Variants in DENND2B observed in about 807,000 individuals in gnomAD.
DENND2B encodes DENN domain containing 2B.
A neutral mutation model predicts 116.0 loss-of-function variants in DENND2B; 32 were observed. The ratio of observed to expected loss-of-function variants is 0.28; its 90% CI spans 0.21 to 0.37. DENND2B has a LOEUF of 0.37. DENND2B is among the 10% of genes least tolerant of loss of function. The pLI is 1.00. For missense variants in DENND2B, 1,276 were observed against 1,477.7 expected, an observed-to-expected ratio of 0.86 and a Z score of 2.24; for synonymous variants, 588 against 583.9, an observed-to-expected ratio of 1.01 and a Z score of -0.10.
intron 13 of DENND2B, chr11:8,703,056 A>G (rs1366587938): frequency 7.0e-6 from 2 of 284,664 alleles, no homozygotes. Context: ...CCACACAGCC[A>G]CATCTCTAGG....
At chr11:8,780,360 A>C (rs1332841241) in intron 1 of DENND2B, among the ~76,000 whole-genome samples, 1 of 152,180 alleles carries the variant, frequency 6.6e-6, no homozygotes, top group Non-Finnish European at 1.5e-5. Flanking sequence ...GCCATTAGAG[A>C]GATACAATGT....
chr11:8,712,612 G>T lies in DENND2B; in HGVS notation c.2111C>A (p.Ser704Tyr). The T allele has an allele frequency of 1.9e-6, 3 of 1,563,932 alleles. No individual in the cohort carries two copies. The highest frequency in any genetic ancestry group is 2.6e-6 in the Non-Finnish European group (3 of 1,153,500). ...GTTTCGCGATGGCTTCTTCTTGAGGGACACCACCACAAAGTACTCAAAAAG... is the reference window on the plus strand; with the variant it reads ...GTTTCGCGATGGCTTCTTCTTGAGGTACACCACCACAAAGTACTCAAAAAG... ...RELFEYFVVV[S>Y]LKKKPSRNTY... The change falls in exon 9 of 20, where the codon TCC becomes TAC. Residue 704 changes from serine (S) to tyrosine (Y), a missense_variant. Physicochemically the swap from Ser to Tyr is moderately radical, Grantham distance 144 (BLOSUM62 -2). Transcript: ENST00000313726. This position sits in a 1 kb window ranked among gnomAD's most constrained non-coding sequence, Gnocchi z 4.4.
chr11:8,843,662 C>T (rs182454842), intron 3 of DENND2B, among the ~76,000 whole-genome samples: 8 of 152,292 alleles, frequency 5.3e-5, no homozygotes, highest in East Asian at 1.9e-4. Context: ...TCCTCTCATA[C>T]GGAATACACA....
chr11:8,797,855 C>A (rs980247263), intron 1 of DENND2B, among the ~76,000 whole-genome samples: 16 of 152,164 alleles, frequency 1.1e-4, no homozygotes, highest in African/African-American at 3.9e-4. Context: ...TCCACCCCGA[C>A]ACCCCCTTGC....
chr11:8,867,824 C>G (rs1017099166), intron 2 of DENND2B, among the ~76,000 whole-genome samples: 2 of 152,142 alleles, frequency 1.3e-5, no homozygotes. Context: ...CTCAAGCAAT[C>G]TGCCTGCCTC....
rs768821454 is a variant in DENND2B at position 8,696,623 on chromosome 11, C to T, written c.3096G>A (p.Arg1032=). The change falls in exon 18 of 20, where the codon CGG becomes CGA. Residue 1032 remains arginine, a synonymous_variant. Coordinates refer to ENST00000313726, the MANE Select transcript of DENND2B (RefSeq NM_213618.2). ...AGTGCCCAACGGTCTCCACAAAGAA[C>T]CGGATAAACACCTCCGACACCAGCC... ...LNGLVSEVFI[R]FFVETVGHYS... 5.6e-6 allele frequency: 9 copies of T among 1,614,176 alleles called. No homozygotes were observed. In the Admixed American group the frequency reaches 1.5e-4, roughly 27 times the overall value.
At chr11:8,894,293 C>A (rs917685203) in intron 1 of DENND2B, among the ~76,000 whole-genome samples, 1 of 152,158 alleles carries the variant, frequency 6.6e-6, no homozygotes. Flanking sequence ...ACCATAAAAA[C>A]CCTAGAAGAA....
At chr11:8,908,585 C>A (rs1369626562) in intron 1 of DENND2B, among the ~76,000 whole-genome samples, 1 of 152,172 alleles carries the variant, frequency 6.6e-6, no homozygotes, top group Non-Finnish European at 1.5e-5. Flanking sequence ...CCACTCCAAC[C>A]ACACTTATTG....
chr11:8,893,103 C>A (rs2064054786), intron 1 of DENND2B, among the ~76,000 whole-genome samples: 1 of 152,180 alleles, frequency 6.6e-6, no homozygotes, highest in Admixed American at 6.5e-5. Flanking sequence ...ATACGCAAAT[C>A]AATAAACATA....
At chr11:8,826,177 C>G (rs1269818618) in intron 4 of DENND2B, among the ~76,000 whole-genome samples, 1 of 152,154 alleles carries the variant, frequency 6.6e-6, no homozygotes, top group Non-Finnish European at 1.5e-5. Flanking sequence ...GAAGAGACAG[C>G]TGGGCCCTGC....
chr11:8,864,796 C>A (rs1233301978), intron 2 of DENND2B, among the ~76,000 whole-genome samples: 2 of 152,178 alleles, frequency 1.3e-5, no homozygotes, highest in East Asian at 3.8e-4. Flanking sequence ...TCTCAGGACA[C>A]TGACTCTGAT....
chr11:8,840,686 C>A (rs550147684), intron 3 of DENND2B, among the ~76,000 whole-genome samples: 1 of 152,306 alleles, frequency 6.6e-6, no homozygotes, highest in African/African-American at 2.4e-5. Context: ...AGACTCCTAC[C>A]CGTTCCATAT....
intron 3 of DENND2B, among the ~76,000 whole-genome samples, chr11:8,852,605 C>G (rs112864124): frequency 0.031 from 4,715 of 152,318 alleles, 239 homozygotes; most frequent in African/African-American, 0.11. Flanking sequence ...TGCTCCACAT[C>G]TTGATCGGAG....
chr11:8,736,175 G>A (rs1032457555), intron 2 of DENND2B, among the ~76,000 whole-genome samples: 2 of 152,116 alleles, frequency 1.3e-5, no homozygotes, highest in Admixed American at 6.6e-5. Flanking sequence ...CCACCAGGCC[G>A]GAGATACATT....
intron 1 of DENND2B, among the ~76,000 whole-genome samples, chr11:8,762,690 A>C (rs535409859): frequency 6.6e-6 from 1 of 152,214 alleles, no homozygotes; most frequent in East Asian, 1.9e-4. Flanking sequence ...GAGAAATCTC[A>C]TCTCTACTAA....
chr11:8,789,114 G>A (rs1160038763), intron 1 of DENND2B, among the ~76,000 whole-genome samples: 1 of 152,198 alleles, frequency 6.6e-6, no homozygotes, highest in East Asian at 1.9e-4. Flanking sequence ...GATACATTCT[G>A]AAGCATTTAT....
At chr11:8,812,339 G>A (rs371902731), upstream of DENND2B, among the ~76,000 whole-genome samples, 8 of 152,076 alleles carry the variant, frequency 5.3e-5, no homozygotes, top group Non-Finnish European at 7.4e-5. Flanking sequence ...GATGTAAAAC[G>A]TCCTGATGCA....
chr11:8,903,428 A>T (rs980887483), intron 1 of DENND2B, among the ~76,000 whole-genome samples: 1 of 151,668 alleles, frequency 6.6e-6, no homozygotes, highest in Non-Finnish European at 1.5e-5. Context: ...AGAAAAAAAA[A>T]GGATATTACA....
In DENND2B at chr11:8,712,228, T is replaced by C. The variant is rs1195177339; in HGVS notation, c.2172+323A>G. 3.3e-5 allele frequency among the ~76,000 whole-genome samples: 5 copies of C among 152,196 alleles called. No individual in the cohort carries two copies. The highest frequency in any genetic ancestry group is 4.2e-4 in the South Asian group (2 of 4,818). ...GTTCTAAAATTGACTGTGGTGATGA[T>C]TGCACAATTCTGTGAATACACCCAA... On this transcript the variant is annotated intron_variant, in intron 9 of 19. Transcript: ENST00000313726. This position sits in a 1 kb window ranked among gnomAD's most constrained non-coding sequence, Gnocchi z 4.4.
Sources: gnomAD v4.1 joint callset for allele counts (sites outside exome capture counted in the v4.1 genomes callset) on GRCh38, gnomAD v4.1.1 for gene constraint, Gnocchi (gnomAD v3.1) non-coding constraint, MANE v1.5 for transcripts, NCBI Gene and HGNC (gene_info 2026-07-23, HGNC 2026-07-21) for gene names.